Variants in GFPT2 observed in about 807,000 individuals in gnomAD.
GFPT2 encodes the protein glutamine--fructose-6-phosphate transaminase 2.
Under a neutral mutation model 85.6 loss-of-function variants are expected in GFPT2, and 62 were observed. The ratio of observed to expected loss-of-function variants is 0.72; its 90% CI spans 0.59 to 0.90. The LOEUF is 0.90. Among genes scored for constraint, GFPT2 ranks in the 40% least tolerant of loss-of-function variants. The probability of loss-of-function intolerance (pLI) is 0.00; values close to 1 mark genes in which losing one functional copy is unlikely to be tolerated. For synonymous variants in GFPT2, 368 were observed against 344.5 expected (o/e 1.07, Z -0.75); for missense variants, 788 against 893.4 (o/e 0.88, Z 1.50).
At position 180,324,514 on chromosome 5, in the gene GFPT2, A is replaced by G. The variant is rs1030545386; in HGVS notation, c.677-209T>C. 4 of 583,794 alleles carry G rather than the reference A, an allele frequency of 6.9e-6. No individual in the cohort carries two copies. The Admixed American group carries it at 9.7e-5, about 14-fold the overall frequency. The allele number at this position is 583,794 out of a possible 1,614,324, so 36.2% of individuals were successfully genotyped here. On this transcript the variant is annotated intron_variant, in intron 8 of 18. Coordinates refer to ENST00000253778, the MANE Select transcript of GFPT2 (RefSeq NM_005110.4). ...ATGGCTACAGTGTGAGAGGAATGCA[A>G]ACAAAAACAAACCAAAGAAGCACTC...
chr5:180,316,738 T>C, intron 12 of GFPT2, 26 bp downstream of exon 12: 1 of 1,522,840 alleles, frequency 6.6e-7, no homozygotes, highest in Non-Finnish European at 9.1e-7. Context: ...GCCGTCGACT[T>C]CCCCACGCAC....
intron 13 of GFPT2, among the ~76,000 whole-genome samples, chr5:180,315,303 G>C (rs1287040773): frequency 6.6e-6 from 1 of 151,798 alleles, no homozygotes; most frequent in Non-Finnish European, 1.5e-5. Flanking sequence ...TCAGCCTCCT[G>C]AGTAGCCGGG....
chr5:180,311,056 G>A (rs569826358), intron 15 of GFPT2, among the ~76,000 whole-genome samples: 49 of 152,188 alleles, frequency 3.2e-4, no homozygotes, highest in Non-Finnish European at 5.7e-4. Context: ...AAGCTGTCTC[G>A]GCCAGTGTCA....
Position 180,301,216 on chromosome 5 carries a change from G to C in GFPT2, c.*348C>G. 1 of 334,848 alleles carries C rather than the reference G, an allele frequency of 3.0e-6. No individual in the cohort carries two copies. Among genetic ancestry groups the C allele is most frequent in the South Asian group, 8.7e-5 (1 of 11,510 alleles). The allele number at this position is 334,848 out of a possible 1,614,324, so 20.7% of individuals were successfully genotyped here. A position where few individuals can be genotyped will look rare whatever the true frequency, so the allele number is the denominator to read the frequency against. On this transcript the variant is annotated 3_prime_UTR_variant, in exon 19 of 19. Transcript: ENST00000253778. ...AAAATAACTTAAAAGCTATACAGTC[G>C]TCATTATAAATATCTTGTCTTTTAA...
In GFPT2 at chr5:180,313,928, C is replaced by T; in HGVS notation, c.1310G>A (p.Cys437Tyr). Residue 437 changes from cysteine (C) to tyrosine (Y), a missense_variant, in exon 14 of 19, where the codon TGT becomes TAT. Cys to Tyr is a radical substitution (Grantham distance 194). Coordinates refer to ENST00000253778, the MANE Select transcript of GFPT2 (RefSeq NM_005110.4). Reference sequence around the variant, plus strand: ...CACGGTGAGAGCGCCGCGGTCCTTACAGTAGCGCAGCGCCAGGAGGGTGTC... The same window carrying T: ...CACGGTGAGAGCGCCGCGGTCCTTATAGTAGCGCAGCGCCAGGAGGGTGTC... ...TADTLLALRYCKDRGALTVGV... is the reference protein window; with the variant it reads ...TADTLLALRYYKDRGALTVGV... 1 of 1,604,274 alleles carries T rather than the reference C, an allele frequency of 6.2e-7. No homozygotes were observed. Among genetic ancestry groups the T allele is most frequent in the Non-Finnish European group, 8.5e-7 (1 of 1,179,332 alleles).
chr5:180,335,130 A>G (rs371041385), intron 4 of GFPT2, among the ~76,000 whole-genome samples: 4 of 152,232 alleles, frequency 2.6e-5, no homozygotes, highest in Non-Finnish European at 2.9e-5. Context: ...TGGTGCTCCA[A>G]CGTGCTGTCA....
At position 180,304,927 on chromosome 5, in the gene GFPT2, T is replaced by G. The variant is rs768659348; in HGVS notation, c.1687A>C (p.Ile563Leu). ...ATGCCTTCTGAGTGCATGTAGGTTATCTCTTTAATTTTCTGGAAACAGGAG... is the reference window on the plus strand; with the variant it reads ...ATGCCTTCTGAGTGCATGTAGGTTAGCTCTTTAATTTTCTGGAAACAGGAG... ...CLEGALKIKEITYMHSEGILA... is the reference protein window; with the variant it reads ...CLEGALKIKELTYMHSEGILA... Residue 563 changes from isoleucine (I) to leucine (L), a missense_variant, in exon 17 of 19, where the codon ATA (isoleucine) becomes CTA (leucine). Coordinates refer to ENST00000253778, the MANE Select transcript of GFPT2 (RefSeq NM_005110.4). 6.2e-7 allele frequency: 1 copy of G among 1,608,080 alleles called. No individual in the cohort carries two copies. Among genetic ancestry groups the G allele is most frequent in the Non-Finnish European group, 8.5e-7 (1 of 1,174,970 alleles).
At chr5:180,346,045 G>C (rs1239240252) in intron 1 of GFPT2, among the ~76,000 whole-genome samples, 1 of 151,806 alleles carries the variant, frequency 6.6e-6, no homozygotes, top group Admixed American at 6.6e-5. Flanking sequence ...AATCAAATGA[G>C]CCAGGGCCTA....
At position 180,303,001 on chromosome 5, in the gene GFPT2, G is replaced by A. The variant is rs868746569; in HGVS notation, c.1843-417C>T. 4.6e-5 allele frequency among the ~76,000 whole-genome samples: 7 copies of A among 151,800 alleles called. No individual in the cohort carries two copies. The South Asian group carries it at 8.4e-4, about 18-fold the overall frequency. On this transcript the variant is annotated intron_variant, in intron 17 of 18. Transcript: ENST00000253778. ...TCCCAACACTTTGGGAGGCTGAGGC[G>A]GGTGGATCACGAGGTCAGGAGATCG...
rs1194190634 is a variant in GFPT2, at chr5:180,338,620, T to A, written c.8-20A>T. On this transcript the variant is annotated intron_variant, in intron 1 of 18. Coordinates refer to ENST00000253778, the MANE Select transcript of GFPT2 (RefSeq NM_005110.4). Reference sequence around the variant, plus strand: ...AGATTCCTGTTCAAAGAGAAAAAAATGGTGCATTCATAAAATACTCAGCTC... The same window carrying A: ...AGATTCCTGTTCAAAGAGAAAAAAAAGGTGCATTCATAAAATACTCAGCTC... 3 of 1,407,590 alleles carry A rather than the reference T, an allele frequency of 2.1e-6. No homozygotes were observed. The highest frequency in any genetic ancestry group is 4.6e-5 in the East Asian group (2 of 43,884). The allele number at this position is 1,407,590 out of a possible 1,614,324, so 87.2% of individuals were successfully genotyped here.
At chr5:180,303,973 T>G (rs1483054510) in intron 17 of GFPT2, among the ~76,000 whole-genome samples, 7 of 152,164 alleles carry the variant, frequency 4.6e-5, no homozygotes, top group Admixed American at 4.6e-4. Flanking sequence ...CAGTCTGACC[T>G]CCCAACCTCC....
At chr5:180,317,596 A>G (rs567181521) in intron 10 of GFPT2, among the ~76,000 whole-genome samples, 2 of 147,824 alleles carry the variant, frequency 1.4e-5, no homozygotes, top group East Asian at 3.9e-4. Flanking sequence ...CGTCTCTACT[A>G]AAAATACAAA....
At chr5:180,316,707 G>C in intron 12 of GFPT2, 57 bp downstream of exon 12, 1 of 1,223,686 alleles carries the variant, frequency 8.2e-7, no homozygotes, top group Non-Finnish European at 1.2e-6. Flanking sequence ...AAAACTGAAG[G>C]CCAGTGTCTG....
chr5:180,324,611 A>G (rs1311027696), intron 8 of GFPT2: 2 of 593,974 alleles, frequency 3.4e-6, no homozygotes, highest in Non-Finnish European at 6.0e-6. Context: ...ATCATGATAA[A>G]TTCATGTCCA....
At chr5:180,321,176 G>A (rs1764113503) in intron 9 of GFPT2, among the ~76,000 whole-genome samples, 1 of 149,588 alleles carries the variant, frequency 6.7e-6, no homozygotes, top group Non-Finnish European at 1.5e-5. Context: ...ATTTTGTATA[G>A]AAATATATTT....
chr5:180,316,308 T>C lies in GFPT2; in HGVS notation c.1273+33A>G, dbSNP rs114534160. 1.4e-3 allele frequency: 2,187 copies of C among 1,612,824 alleles called. 24 individuals carry two copies. In the African/African-American group the frequency reaches 0.025, roughly 18 times the overall value. ...AGGAGAGAGCCCAGAGCTGACCTGATGCAAGGCTGGCCACAATGCCTGTGT... is the reference window on the plus strand; with the variant it reads ...AGGAGAGAGCCCAGAGCTGACCTGACGCAAGGCTGGCCACAATGCCTGTGT... On this transcript the variant is annotated intron_variant, in intron 13 of 18. Transcript: ENST00000253778.
At chr5:180,325,730 G>T (rs1204131214) in intron 7 of GFPT2, among the ~76,000 whole-genome samples, 11 of 152,222 alleles carry the variant, frequency 7.2e-5, no homozygotes. Context: ...ACGTGATGAA[G>T]ATCTCATGAT....
chr5:180,312,447 C>T lies in GFPT2; in HGVS notation c.1529G>A (p.Gly510Asp), dbSNP rs754711767. 17 of 1,590,306 alleles carry T rather than the reference C, an allele frequency of 1.1e-5. No individual in the cohort carries two copies. The highest frequency in any genetic ancestry group is 1.4e-5 in the Non-Finnish European group (16 of 1,158,266). The change falls in exon 15 of 19, where the codon GGC (glycine) becomes GAC (aspartate). Residue 510 changes from glycine to aspartate, a missense_variant. Physicochemically the swap from Gly to Asp is moderately conservative, Grantham distance 94. Transcript: ENST00000253778. ...GAACATACCAGGTAAAGATCTCAAG[C>T]CACGGATGATCTCTTGCCTCCTGTT... is the stretch of plus-strand genomic sequence containing the variant. ...LQNRRQEIIR[G>D]LRSLPELIKE...
Position 180,330,653 on chromosome 5 carries a change from A to G in GFPT2, c.534+47T>C. The G allele has an allele frequency of 6.6e-7, 1 of 1,522,000 alleles. No homozygotes were observed. Among genetic ancestry groups the G allele is most frequent in the Non-Finnish European group, 9.0e-7 (1 of 1,105,720 alleles). 94.3% of individuals were successfully genotyped at this position (1,522,000 alleles called of 1,614,324 possible). Reference sequence around the variant, plus strand: ...TTGCTGCTTGAAAAAAATGTTTTTAATGAAAGAATGAAGGAATGAGTTAGA... The same window carrying G: ...TTGCTGCTTGAAAAAAATGTTTTTAGTGAAAGAATGAAGGAATGAGTTAGA... On this transcript the variant is annotated intron_variant, in intron 6 of 18. Transcript: ENST00000253778. The surrounding 1 kb of genome is among the most constrained non-coding windows in gnomAD (Gnocchi z 4.4).
Sources: gnomAD v4.1 joint callset for allele counts (sites outside exome capture counted in the v4.1 genomes callset) on GRCh38, gnomAD v4.1.1 for gene constraint, Gnocchi (gnomAD v3.1) non-coding constraint, MANE v1.5 for transcripts, NCBI Gene and HGNC (gene_info 2026-07-23, HGNC 2026-07-21) for gene names.